ZNF804B: variants seen among roughly 807,000 people sequenced by gnomAD.
The protein encoded by ZNF804B is zinc finger protein 804B.
A neutral mutation model predicts 101.4 loss-of-function variants in ZNF804B; 80 were observed. The ratio of observed to expected loss-of-function variants is 0.79; its 90% CI spans 0.66 to 0.95. The LOEUF (loss-of-function observed/expected upper bound fraction) is 0.95, where lower values mean the gene tolerates loss of function less well. Ranked by LOEUF, ZNF804B falls within the 40% of genes least tolerant of loss-of-function variation. The probability of loss-of-function intolerance (pLI) is 0.00; values close to 1 mark genes in which losing one functional copy is unlikely to be tolerated. For missense variants in ZNF804B, 1,673 were observed against 1,561.9 expected (o/e 1.07, Z -1.20); for synonymous variants, 622 against 558.8 (o/e 1.11, Z -1.59).
intron 2 of ZNF804B, among the ~76,000 whole-genome samples, chr7:89,238,997 T>G (rs1417562454): frequency 6.6e-6 from 1 of 152,188 alleles, no homozygotes; most frequent in African/African-American, 2.4e-5. Context: ...TCTATGATTT[T>G]GTCTTCTGGT....
intron 2 of ZNF804B, among the ~76,000 whole-genome samples, chr7:89,220,471 T>C (rs1446501319): frequency 6.6e-6 from 1 of 151,866 alleles, no homozygotes; most frequent in African/African-American, 2.4e-5. Flanking sequence ...TTCAAACGTA[T>C]ATAAATGTGA....
At chr7:89,048,359 A>G (rs947121094) in intron 1 of ZNF804B, among the ~76,000 whole-genome samples, 1 of 151,932 alleles carries the variant, frequency 6.6e-6, no homozygotes, top group Non-Finnish European at 1.5e-5. Context: ...GTTTCTGTTT[A>G]ACCTTCAGGG....
intron 1 of ZNF804B, among the ~76,000 whole-genome samples, chr7:88,999,973 C>G (rs1355435360): frequency 1.3e-5 from 2 of 151,662 alleles, no homozygotes; most frequent in African/African-American, 2.4e-5. Context: ...GTGAGAGATC[C>G]TTTGTTTATT....
At chr7:89,324,127 G>A (rs1174500217) in intron 2 of ZNF804B, among the ~76,000 whole-genome samples, 4 of 151,992 alleles carry the variant, frequency 2.6e-5, no homozygotes, top group South Asian at 2.1e-4. Flanking sequence ...TTGGTGTAAC[G>A]TTTTCCGTAA....
chr7:88,906,394 A>C (rs997865541), intron 1 of ZNF804B, among the ~76,000 whole-genome samples: 1 of 152,144 alleles, frequency 6.6e-6, no homozygotes, highest in Non-Finnish European at 1.5e-5. Flanking sequence ...TTAGCACTAA[A>C]AATTCCCTGT....
Position 88,781,829 on chromosome 7 carries a change from C to G in ZNF804B, c.108+21745C>G, listed in dbSNP as rs951896839. Among the ~76,000 whole-genome samples, 9 of 151,962 alleles carry G rather than the reference C, an allele frequency of 5.9e-5. No homozygotes were observed. The South Asian group carries it at 8.3e-4, about 14-fold the overall frequency. On this transcript the variant is annotated intron_variant, in intron 1 of 3. Transcript: ENST00000333190. Reference sequence around the variant, plus strand: ...AAAATATCCTCAGGTTACTCAGGCTCTTATTAGCTTCAAGAGACAAAAACC... The same window carrying G: ...AAAATATCCTCAGGTTACTCAGGCTGTTATTAGCTTCAAGAGACAAAAACC...
chr7:88,905,895 C>CT (rs58138257), intron 1 of ZNF804B, among the ~76,000 whole-genome samples: 1,274 of 81,428 alleles, frequency 0.016, 18 homozygotes, highest in African/African-American at 0.041. Context: ...TGGGTTGAGG[C>CT]TTTTTTTTTT....
intron 1 of ZNF804B, among the ~76,000 whole-genome samples, chr7:88,956,498 C>A (rs1273837664): frequency 6.6e-6 from 1 of 151,366 alleles, no homozygotes; most frequent in Non-Finnish European, 1.5e-5. Context: ...ATGTTTATGG[C>A]ACTCTATTAC....
rs563185170 is a variant in ZNF804B at position 89,221,746 on chromosome 7, A to G, written c.249+3451A>G. Among the ~76,000 whole-genome samples, 123 of 138,860 alleles carry G rather than the reference A, an allele frequency of 8.9e-4. 2 individuals are homozygous for G. Among genetic ancestry groups the G allele is most frequent in the African/African-American group, 2.8e-3 (102 of 36,322 alleles). 91.1% of individuals were successfully genotyped at this position (138,860 alleles called of 152,430 possible). A position where few individuals can be genotyped will look rare whatever the true frequency, so the allele number is the denominator to read the frequency against. ...ATTCTATTCTATTCTATTCTATTCT[A>G]TTCTATCTATATGCACACTTCCATC... On this transcript the variant is annotated intron_variant, in intron 2 of 3. Coordinates refer to ENST00000333190, the MANE Select transcript of ZNF804B (RefSeq NM_181646.5).
intron 1 of ZNF804B, among the ~76,000 whole-genome samples, chr7:88,904,909 G>A (rs1033537665): frequency 2.0e-5 from 3 of 152,098 alleles, no homozygotes; most frequent in East Asian, 1.9e-4. Context: ...ATAGTTTGAC[G>A]TCTTCTTTTC....
chr7:89,060,717 G>A (rs563281894), intron 1 of ZNF804B, among the ~76,000 whole-genome samples: 2 of 152,120 alleles, frequency 1.3e-5, no homozygotes, highest in East Asian at 3.9e-4. Flanking sequence ...TATATTGTAC[G>A]AAGATTTTTA....
At chr7:89,186,026 A>C (rs181521171) in intron 1 of ZNF804B, among the ~76,000 whole-genome samples, 1 of 152,288 alleles carries the variant, frequency 6.6e-6, no homozygotes, top group East Asian at 1.9e-4. Flanking sequence ...TTGACAGGAA[A>C]AACTGACCAT....
At chr7:89,235,828 C>G (rs1258387492) in intron 2 of ZNF804B, among the ~76,000 whole-genome samples, 3 of 151,474 alleles carry the variant, frequency 2.0e-5, no homozygotes, top group Non-Finnish European at 4.4e-5. Context: ...TGAATGCTTC[C>G]CACAATGTCT....
intron 1 of ZNF804B, among the ~76,000 whole-genome samples, chr7:89,059,202 T>G (rs2116278663): frequency 6.6e-6 from 1 of 152,282 alleles, no homozygotes; most frequent in South Asian, 2.1e-4. Context: ...TGCTTCATGT[T>G]AGTTTCATCA....
At chr7:89,271,379 G>A (rs573127569) in intron 2 of ZNF804B, among the ~76,000 whole-genome samples, 3 of 152,050 alleles carry the variant, frequency 2.0e-5, no homozygotes, top group Non-Finnish European at 2.9e-5. Context: ...TTATTGATTT[G>A]CATATGTTCA....
chr7:88,863,671 T>C (rs1246575855), intron 1 of ZNF804B, among the ~76,000 whole-genome samples: 1 of 152,180 alleles, frequency 6.6e-6, no homozygotes, highest in Non-Finnish European at 1.5e-5. Flanking sequence ...AAGTGGGTTA[T>C]TTAGAGTGGA....
At chr7:88,979,463 G>C (rs1793664558) in intron 1 of ZNF804B, among the ~76,000 whole-genome samples, 1 of 151,722 alleles carries the variant, frequency 6.6e-6, no homozygotes, top group Non-Finnish European at 1.5e-5. Context: ...ATAGATAAAG[G>C]TTTTTTTCCC....
At chr7:89,187,372 T>C (rs1788389997) in intron 1 of ZNF804B, among the ~76,000 whole-genome samples, 1 of 152,172 alleles carries the variant, frequency 6.6e-6, no homozygotes, top group Non-Finnish European at 1.5e-5. Flanking sequence ...AGTAAAATCA[T>C]TACATTTTAG....
At chr7:89,024,526 T>C (rs1174768241) in intron 1 of ZNF804B, among the ~76,000 whole-genome samples, 1 of 151,942 alleles carries the variant, frequency 6.6e-6, no homozygotes, top group Non-Finnish European at 1.5e-5. Flanking sequence ...CATTTGGCTG[T>C]TTATTAGTGG....
Sources: gnomAD v4.1 joint callset for allele counts (sites outside exome capture counted in the v4.1 genomes callset) on GRCh38, gnomAD v4.1.1 for gene constraint, MANE v1.5 for transcripts, NCBI Gene and HGNC (gene_info 2026-07-23, HGNC 2026-07-21) for gene names.